Variants in ANO1 observed in about 807,000 individuals in gnomAD.
ANO1 encodes the protein anoctamin 1.
Under a neutral mutation model 124.0 loss-of-function variants are expected in ANO1, and 59 were observed. The ratio of observed to expected loss-of-function variants is 0.48; its 90% CI spans 0.39 to 0.59. The LOEUF is 0.59. Among genes scored for constraint, ANO1 ranks in the 20% least tolerant of loss-of-function variants. The pLI, the probability that ANO1 is intolerant of heterozygous loss-of-function variation, is 0.00. For missense variants in ANO1, 1,059 were observed against 1,328.0 expected (o/e 0.80, Z 3.15); for synonymous variants, 529 against 532.0 (o/e 0.99, Z 0.08).
intron 1 of ANO1, among the ~76,000 whole-genome samples, chr11:69,994,029 A>C (rs1332185142): frequency 4.0e-5 from 6 of 151,596 alleles, no homozygotes; most frequent in African/African-American, 1.5e-4. Flanking sequence ...CTCCCCCTGC[A>C]CTTGATCAAG....
At chr11:70,096,170 G>T (rs142346693) in intron 2 of ANO1, among the ~76,000 whole-genome samples, 22 of 152,314 alleles carry the variant, frequency 1.4e-4, no homozygotes, top group Non-Finnish European at 2.9e-4. Context: ...GTTTCCCAAA[G>T]CCTCTGATAA....
At chr11:70,085,414 A>T in intron 1 of ANO1, 1 of 1,516,118 alleles carries the variant, frequency 6.6e-7, no homozygotes, top group East Asian at 2.5e-5. Flanking sequence ...TGGGCGGGGC[A>T]CGCACACTGA....
intron 11 of ANO1, among the ~76,000 whole-genome samples, chr11:70,140,566 G>A (rs1212190428): frequency 1.3e-5 from 2 of 151,880 alleles, no homozygotes; most frequent in African/African-American, 2.4e-5. Flanking sequence ...AAGAAAGAAA[G>A]AAAGTAAAGG....
intron 22 of ANO1, among the ~76,000 whole-genome samples, chr11:70,179,679 G>A (rs1219149427): frequency 2.0e-5 from 3 of 152,220 alleles, no homozygotes; most frequent in South Asian, 4.1e-4. Context: ...GGTCAGTTTA[G>A]GAATTAAAAA....
At chr11:70,036,287 C>T (rs1857092498) in intron 1 of ANO1, among the ~76,000 whole-genome samples, 1 of 152,190 alleles carries the variant, frequency 6.6e-6, no homozygotes, top group Non-Finnish European at 1.5e-5. Flanking sequence ...CTGGCCTTTT[C>T]CTCTTCTACC....
the ANO1 span, among the ~76,000 whole-genome samples, chr11:69,972,926 T>TTTTTA: frequency 6.6e-6 from 1 of 151,252 alleles, no homozygotes; most frequent in African/African-American, 2.4e-5. Context: ...CTTTTTTTTT[T>TTTTTA]GAGACAGAGT....
chr11:70,002,727 A>G (rs1856409474), intron 1 of ANO1, among the ~76,000 whole-genome samples: 2 of 152,206 alleles, frequency 1.3e-5, no homozygotes, highest in African/African-American at 4.8e-5. Flanking sequence ...GATATAGGTC[A>G]GGAAACAGCT....
At chr11:70,164,860 G>A (rs944284319) in intron 19 of ANO1, among the ~76,000 whole-genome samples, 2 of 152,106 alleles carry the variant, frequency 1.3e-5, no homozygotes, top group African/African-American at 4.8e-5. Flanking sequence ...AAAAGGAGGC[G>A]CCCTGAGGCC....
At chr11:70,043,328 C>T (rs1287430329) in intron 1 of ANO1, among the ~76,000 whole-genome samples, 2 of 152,070 alleles carry the variant, frequency 1.3e-5, no homozygotes, top group Non-Finnish European at 1.5e-5. Flanking sequence ...ACACAGAACA[C>T]CATAGATTTG....
At chr11:70,176,229 C>A (rs948064768) in intron 22 of ANO1, among the ~76,000 whole-genome samples, 3 of 150,738 alleles carry the variant, frequency 2.0e-5, no homozygotes, top group African/African-American at 7.3e-5. Context: ...CATGATGCAA[C>A]CTCCACCTCC....
chr11:70,045,049 A>G (rs1466546309), intron 1 of ANO1, among the ~76,000 whole-genome samples: 6 of 152,236 alleles, frequency 3.9e-5, no homozygotes, highest in Admixed American at 6.5e-5. Flanking sequence ...ATACAAATAT[A>G]AAGATAGAAC....
At chr11:70,034,437 G>A (rs1335271353) in intron 1 of ANO1, among the ~76,000 whole-genome samples, 8 of 152,114 alleles carry the variant, frequency 5.3e-5, no homozygotes, top group African/African-American at 1.9e-4. Flanking sequence ...GACCACAAGG[G>A]CAGCTCAGAT....
intron 1 of ANO1, among the ~76,000 whole-genome samples, chr11:70,028,329 G>C (rs1555003427): frequency 6.6e-6 from 1 of 152,164 alleles, no homozygotes; most frequent in African/African-American, 2.4e-5. Flanking sequence ...GGTAAGGGCA[G>C]GTGCCTGTGC....
Position 70,024,436 on chromosome 11 carries a change from G to A in ANO1, c.58+38270G>A, listed in dbSNP as rs76972953. 9.8e-3 allele frequency among the ~76,000 whole-genome samples: 1,494 copies of A among 152,280 alleles called. 26 individuals are homozygous for A. Among genetic ancestry groups the A allele is most frequent in the African/African-American group, 0.034 (1,423 of 41,558 alleles). On this transcript the variant is annotated intron_variant, in intron 1 of 27. Coordinates refer to the ANO1 transcript ENST00000531349. Reference sequence around the variant, plus strand: ...AGTGCCGGGCAGAAGACATTCGCCCGCTAGACCTGCTTCCCCTGCAGAGAA... The same window carrying A: ...AGTGCCGGGCAGAAGACATTCGCCCACTAGACCTGCTTCCCCTGCAGAGAA...
intron 1 of ANO1, among the ~76,000 whole-genome samples, chr11:70,009,401 C>A (rs1201749274): frequency 6.6e-6 from 1 of 152,176 alleles, no homozygotes; most frequent in Admixed American, 6.5e-5. Flanking sequence ...GGTGGCATCA[C>A]CTGGGGCCTC....
intron 1 of ANO1, among the ~76,000 whole-genome samples, chr11:70,024,647 G>A (rs1190608093): frequency 2.6e-5 from 4 of 152,092 alleles, no homozygotes; most frequent in Non-Finnish European, 4.4e-5. Context: ...GGGAAACTCG[G>A]GCTCAGAGAC....
rs1362459759 is a variant in ANO1 at position 70,131,997 on chromosome 11, C to T, written c.1176C>T (p.Ser392=). The change falls in exon 11 of 26, where the codon AGC becomes AGT. Residue 392 remains serine, a synonymous_variant. Coordinates refer to ENST00000355303, the MANE Select transcript of ANO1 (RefSeq NM_018043.7). ...CDKTCSYWKM[S]SACATARASH... ...AGACCTGCAGCTACTGGAAGATGAG[C>T]TCAGCCTGCGCCACGGCCCGCGCCA... 8.1e-6 allele frequency: 13 copies of T among 1,610,064 alleles called. No individual in the cohort carries two copies. The South Asian group carries it at 1.3e-4, about 16-fold the overall frequency.
At chr11:69,999,277 C>T (rs1379971177) in intron 1 of ANO1, among the ~76,000 whole-genome samples, 1 of 152,058 alleles carries the variant, frequency 6.6e-6, no homozygotes, top group Non-Finnish European at 1.5e-5. Flanking sequence ...AGGTGCCACA[C>T]ACTTTTAAAT....
the ANO1 span, among the ~76,000 whole-genome samples, chr11:69,975,304 C>T: frequency 6.6e-6 from 1 of 152,212 alleles, no homozygotes; most frequent in Non-Finnish European, 1.5e-5. Flanking sequence ...TGGGGGATCC[C>T]CCAGATGGAA....
Sources: allele counts gnomAD v4.1 joint callset (sites outside exome capture counted in the v4.1 genomes callset), GRCh38; gene constraint gnomAD v4.1.1; transcripts MANE v1.5; gene names NCBI Gene and HGNC (gene_info 2026-07-23, HGNC 2026-07-21).